The following FNDC3B variants were observed in gnomAD, a reference collection of about 807,000 sequenced individuals.
FNDC3B encodes fibronectin type III domain containing 3B, also known as fibronectin type III domain-containing protein 3B.
FNDC3B carries 12 observed loss-of-function variants against 151.5 expected under a neutral mutation model. The observed-to-expected ratio is 0.08, with a 90% CI of 0.05 to 0.13. The LOEUF (loss-of-function observed/expected upper bound fraction) is 0.13. FNDC3B is among the 10% of genes least tolerant of loss of function. The pLI is 1.00. For missense variants in FNDC3B, 1,214 were observed against 1,505.3 expected, an observed-to-expected ratio of 0.81 and a Z score of 3.20; for synonymous variants, 528 against 549.0, an observed-to-expected ratio of 0.96 and a Z score of 0.54.
At chr3:172,217,102 A>G (rs1170214998) in intron 3 of FNDC3B, among the ~76,000 whole-genome samples, 1 of 152,110 alleles carries the variant, frequency 6.6e-6, no homozygotes, top group East Asian at 1.9e-4. Flanking sequence ...TTAAGAACAG[A>G]AATGCTTGTT....
intron 3 of FNDC3B, among the ~76,000 whole-genome samples, chr3:172,185,929 G>T (rs1373796642): frequency 6.6e-6 from 1 of 152,158 alleles, no homozygotes. Context: ...CACTGATTTA[G>T]GGGACCACAC....
chr3:172,039,618 T>A lies in FNDC3B; in HGVS notation c.-182T>A, dbSNP rs567974546. ...TCCCCCATCAAACCCTCCTGGTAGT[T>A]ATTTGAGCGGCGGCGGCGGCGGCTG... On this transcript the variant is annotated 5_prime_UTR_variant, in exon 1 of 26. Coordinates refer to ENST00000415807, the MANE Select transcript of FNDC3B (RefSeq NM_022763.4). The A allele has an allele frequency of 1.1e-4, 18 of 162,356 alleles. No individual in the cohort carries two copies. Among genetic ancestry groups the A allele is most frequent in the Non-Finnish European group, 2.2e-4 (17 of 76,166 alleles). 10.1% of individuals were successfully genotyped at this position (162,356 alleles called of 1,614,324 possible). A position where few individuals can be genotyped will look rare whatever the true frequency, so the allele number is the denominator to read the frequency against.
At chr3:172,150,839 C>T (rs950121157) in intron 3 of FNDC3B, among the ~76,000 whole-genome samples, 1 of 152,032 alleles carries the variant, frequency 6.6e-6, no homozygotes, top group African/African-American at 2.4e-5. Flanking sequence ...AATGGGGTGT[C>T]CATCCGCTCA....
At chr3:172,066,836 A>G (rs1356257388) in intron 1 of FNDC3B, among the ~76,000 whole-genome samples, 1 of 152,232 alleles carries the variant, frequency 6.6e-6, no homozygotes, top group African/African-American at 2.4e-5. Context: ...TTTGATTATT[A>G]TACTTTTAAT....
chr3:172,091,518 G>T (rs1718823847), intron 1 of FNDC3B, among the ~76,000 whole-genome samples: 1 of 136,768 alleles, frequency 7.3e-6, no homozygotes, highest in Admixed American at 7.6e-5. Context: ...GAGCATTGTA[G>T]TATCAAGCAC....
intron 3 of FNDC3B, among the ~76,000 whole-genome samples, chr3:172,184,822 G>A (rs143056779): frequency 1.9e-4 from 29 of 152,228 alleles, no homozygotes; most frequent in African/African-American, 6.7e-4. Context: ...AGGATGGTGG[G>A]GAGCAAGAAT....
intron 5 of FNDC3B, among the ~76,000 whole-genome samples, chr3:172,250,518 G>A (rs1056922946): frequency 6.6e-6 from 1 of 152,212 alleles, no homozygotes; most frequent in Non-Finnish European, 1.5e-5. Flanking sequence ...TGTCTACAGG[G>A]ATGAGTAGAC....
At chr3:172,169,402 T>G (rs1024356444) in intron 3 of FNDC3B, among the ~76,000 whole-genome samples, 26 of 152,230 alleles carry the variant, frequency 1.7e-4, no homozygotes, top group African/African-American at 4.6e-4. Context: ...TCGGACAGTG[T>G]AGTCAGTAAC....
At chr3:172,262,890 G>C in intron 6 of FNDC3B, among the ~76,000 whole-genome samples, 1 of 59,708 alleles carries the variant, frequency 1.7e-5, no homozygotes, top group Admixed American at 3.0e-4. Context: ...GAGTGAGACC[G>C]ACTCAAAAAA....
chr3:172,368,915 G>C (rs558079485), intron 23 of FNDC3B, among the ~76,000 whole-genome samples: 1 of 152,290 alleles, frequency 6.6e-6, no homozygotes, highest in East Asian at 1.9e-4. Flanking sequence ...GGAGCCTGAG[G>C]CAGGAAAATT....
intron 3 of FNDC3B, chr3:172,134,235 A>G: frequency 2.3e-6 from 1 of 442,676 alleles, no homozygotes; most frequent in Non-Finnish European, 4.6e-6. Flanking sequence ...GCACACTTCT[A>G]GTGTGTATAC....
At chr3:172,363,784 A>G (rs1002638466) in intron 23 of FNDC3B, among the ~76,000 whole-genome samples, 2 of 152,230 alleles carry the variant, frequency 1.3e-5, no homozygotes, top group Non-Finnish European at 2.9e-5. Flanking sequence ...ATTTCAGTAC[A>G]GTGGAGTCCT....
chr3:172,392,810 C>CCTTTTTTTTTT (rs1736078814), intron 25 of FNDC3B, among the ~76,000 whole-genome samples: 50 of 99,902 alleles, frequency 5.0e-4, no homozygotes, highest in African/African-American at 1.8e-3. Context: ...TTTTTTTTTT[C>CCTTTTTTTTTT]TTTTTTTTTT....
chr3:172,181,557 G>A (rs950618997), intron 3 of FNDC3B, among the ~76,000 whole-genome samples: 8 of 151,834 alleles, frequency 5.3e-5, no homozygotes, highest in Non-Finnish European at 8.8e-5. Context: ...GAAGCCAGGC[G>A]TGGTGGCTCA....
At chr3:172,376,386 T>C (rs543901322) in intron 23 of FNDC3B, among the ~76,000 whole-genome samples, 1 of 152,352 alleles carries the variant, frequency 6.6e-6, no homozygotes, top group Non-Finnish European at 1.5e-5. Flanking sequence ...GATTGTGGCA[T>C]GGCAGGAAAG....
Position 172,226,907 on chromosome 3 carries a change from C to T in FNDC3B, c.224C>T (p.Ser75Phe), listed in dbSNP as rs372584508. 2 of 1,612,994 alleles carry T rather than the reference C, an allele frequency of 1.2e-6. No individual in the cohort carries two copies. Among genetic ancestry groups the T allele is most frequent in the Non-Finnish European group, 1.7e-6 (2 of 1,179,072 alleles). The change falls in exon 4 of 26, where the codon TCC becomes TTC. Residue 75 changes from serine (S) to phenylalanine (F), a missense_variant. Ser to Phe is a radical substitution (Grantham distance 155). Around this residue, in one of 7 missense-constraint regions of FNDC3B, gnomAD observed 113 missense variants for 177.8 expected, o/e 0.64. Coordinates refer to ENST00000415807, the MANE Select transcript of FNDC3B (RefSeq NM_022763.4). The part of the protein sequence containing the change: ...AEVPMMSPNG[S>F]IPPIHVPPGY... ...GTTCCCATGATGTCACCCAATGGATCCATTCCTCCCATTCATGTGCCTCCA... is the reference window on the plus strand; with the variant it reads ...GTTCCCATGATGTCACCCAATGGATTCATTCCTCCCATTCATGTGCCTCCA...
chr3:172,369,961 GAA>G (rs919571593), intron 23 of FNDC3B, among the ~76,000 whole-genome samples: 2 of 141,548 alleles, frequency 1.4e-5, no homozygotes, highest in Non-Finnish European at 3.1e-5. Context: ...GGGAAATTAA[GAA>G]AAAAAAAAAG....
intron 1 of FNDC3B, among the ~76,000 whole-genome samples, chr3:172,085,646 C>T (rs1338804126): frequency 6.6e-6 from 1 of 152,118 alleles, no homozygotes; most frequent in Non-Finnish European, 1.5e-5. Flanking sequence ...AACTTGGAGC[C>T]CCTTGATGTG....
chr3:172,089,720 T>G (rs547020950), intron 1 of FNDC3B, among the ~76,000 whole-genome samples: 1 of 152,256 alleles, frequency 6.6e-6, no homozygotes, highest in South Asian at 2.1e-4. Flanking sequence ...GATCAAGGCA[T>G]GGAGGTTTGA....
Sources: gnomAD v4.1 joint callset for allele counts (sites outside exome capture counted in the v4.1 genomes callset) on GRCh38, gnomAD v4.1.1 for gene constraint, gnomAD v4.1.1 regional missense constraint, MANE v1.5 for transcripts, NCBI Gene and HGNC (gene_info 2026-07-23, HGNC 2026-07-21) for gene names.